Variants in RBFOX1 observed in about 807,000 individuals in gnomAD.
RBFOX1 encodes the protein RNA binding protein fox-1 homolog 1.
RBFOX1 carries 8 observed loss-of-function variants against 57.7 expected under a neutral mutation model. The ratio of observed to expected loss-of-function variants is 0.14; its 90% CI spans 0.08 to 0.25. The LOEUF (loss-of-function observed/expected upper bound fraction) is 0.25, where lower values mean the gene tolerates loss of function less well. Among genes scored for constraint, RBFOX1 ranks in the 10% least tolerant of loss-of-function variants. RBFOX1 has a pLI of 1.00. For synonymous variants in RBFOX1, 326 were observed against 222.4 expected, an observed-to-expected ratio of 1.47 and a Z score of -4.15; for missense variants, 611 against 548.5, an observed-to-expected ratio of 1.11 and a Z score of -1.14.
intron 4 of RBFOX1, among the ~76,000 whole-genome samples, chr16:7,479,367 T>C (rs966260095): frequency 6.6e-6 from 1 of 152,112 alleles, no homozygotes; most frequent in Non-Finnish European, 1.5e-5. Context: ...CTGGGCTCAG[T>C]GTATCCTCTG....
intron 4 of RBFOX1, among the ~76,000 whole-genome samples, chr16:7,097,385 A>G (rs2061882001): frequency 6.6e-6 from 1 of 152,148 alleles, no homozygotes; most frequent in South Asian, 2.1e-4. Flanking sequence ...AGTTGCTTGC[A>G]TCAACCCCAG....
intron 1 of RBFOX1, among the ~76,000 whole-genome samples, chr16:6,229,221 C>T (rs1383908088): frequency 1.3e-5 from 2 of 151,990 alleles, no homozygotes; most frequent in Non-Finnish European, 2.9e-5. Context: ...CACAGGATTG[C>T]TTTAGCTGTT....
intron 3 of RBFOX1, among the ~76,000 whole-genome samples, chr16:6,772,931 T>C (rs1489564585): frequency 1.4e-5 from 2 of 145,164 alleles, no homozygotes; most frequent in Non-Finnish European, 3.0e-5. Flanking sequence ...AGTACATTTG[T>C]GTGTGTGTGT....
At chr16:6,542,301 T>C (rs1031340533) in intron 2 of RBFOX1, among the ~76,000 whole-genome samples, 3 of 151,912 alleles carry the variant, frequency 2.0e-5, no homozygotes, top group Non-Finnish European at 4.4e-5. Context: ...CTGTTTCTTT[T>C]CTCTTTCTTG....
rs1202452810 is a variant in RBFOX1, at chr16:7,057,451, C to T, written c.27+5353C>T. Among the ~76,000 whole-genome samples, 3 of 152,212 alleles carry T rather than the reference C, an allele frequency of 2.0e-5. No homozygotes were observed. The South Asian group carries it at 6.2e-4, about 31-fold the overall frequency. ...ATTTTTCTTTTGATAAAGACTCCCT[C>T]TACCTTTATGCACACATCACACCTT... is the stretch of plus-strand genomic sequence containing the variant. On this transcript the variant is annotated intron_variant, in intron 4 of 15. Coordinates refer to ENST00000550418, the MANE Select transcript of RBFOX1 (RefSeq NM_018723.4).
chr16:6,065,493 C>T (rs112142755), intron 1 of RBFOX1, among the ~76,000 whole-genome samples: 10 of 152,246 alleles, frequency 6.6e-5, no homozygotes, highest in Non-Finnish European at 1.0e-4. Context: ...TATATCATTG[C>T]GGTTTCCACT....
chr16:6,576,399 A>C (rs990280694), intron 2 of RBFOX1, among the ~76,000 whole-genome samples: 2 of 152,142 alleles, frequency 1.3e-5, no homozygotes, highest in East Asian at 1.9e-4. Context: ...GAAGATGCCA[A>C]CTCCACATAG....
rs920358119 is a variant in RBFOX1, at chr16:5,946,136, C to A, written c.351+78801C>A. On this transcript the variant is annotated intron_variant, in intron 4 of 19. Transcript: ENST00000641259. This position sits in a 1 kb window ranked among gnomAD's most constrained non-coding sequence, Gnocchi z 4.6. ...TTTAAAAAAGATTTTGTTAATAGAC[C>A]ACCACTCCTGTCCTAACATGGCAGG... Among the ~76,000 whole-genome samples, 1 of 152,116 alleles carries A rather than the reference C, an allele frequency of 6.6e-6. No homozygotes were observed. The highest frequency in any genetic ancestry group is 1.5e-5 in the Non-Finnish European group (1 of 68,024).
chr16:7,116,409 C>T (rs910939481), intron 4 of RBFOX1, among the ~76,000 whole-genome samples: 1 of 152,082 alleles, frequency 6.6e-6, no homozygotes, highest in African/African-American at 2.4e-5. Flanking sequence ...GTAGGGACAG[C>T]AATATTGCAG....
At chr16:6,325,325 C>T (rs1227615082) in intron 2 of RBFOX1, among the ~76,000 whole-genome samples, 1 of 152,140 alleles carries the variant, frequency 6.6e-6, no homozygotes, top group African/African-American at 2.4e-5. Context: ...GCACTGCACA[C>T]CAACCTGGAG....
chr16:6,796,244 A>G (rs1426252502), intron 3 of RBFOX1, among the ~76,000 whole-genome samples: 1 of 152,136 alleles, frequency 6.6e-6, no homozygotes, highest in Non-Finnish European at 1.5e-5. Flanking sequence ...AGAACAGTGA[A>G]GGAAAGACCC....
At chr16:6,910,362 T>G (rs2071245532) in intron 3 of RBFOX1, among the ~76,000 whole-genome samples, 1 of 152,174 alleles carries the variant, frequency 6.6e-6, no homozygotes, top group Admixed American at 6.5e-5. Context: ...ACACCCATCT[T>G]CCTATTTCCC....
intron 2 of RBFOX1, among the ~76,000 whole-genome samples, chr16:5,526,385 G>T (rs1013909839): frequency 1.3e-5 from 2 of 152,062 alleles, no homozygotes; most frequent in African/African-American, 2.4e-5. Context: ...GCCTCCCGGG[G>T]TCAAGTGATT....
intron 3 of RBFOX1, among the ~76,000 whole-genome samples, chr16:6,665,616 A>G (rs1026264712): frequency 2.2e-5 from 3 of 134,144 alleles, no homozygotes; most frequent in African/African-American, 8.5e-5. Flanking sequence ...CAAGAGTGAA[A>G]CTCCATCTCC....
intron 4 of RBFOX1, among the ~76,000 whole-genome samples, chr16:7,228,916 G>A (rs2093320018): frequency 6.6e-6 from 1 of 152,154 alleles, no homozygotes; most frequent in Non-Finnish European, 1.5e-5. Flanking sequence ...AGAAGAAGAT[G>A]GATGCATTGG....
At chr16:6,939,403 A>G (rs12598576) in intron 3 of RBFOX1, among the ~76,000 whole-genome samples, 30,158 of 147,124 alleles carry the variant, frequency 0.2, 3,343 homozygotes, top group African/African-American at 0.33. Context: ...GTGTGTGTGT[A>G]TATATATATA....
chr16:6,931,403 G>A (rs757399015), intron 3 of RBFOX1, among the ~76,000 whole-genome samples: 3 of 151,636 alleles, frequency 2.0e-5, no homozygotes, highest in Non-Finnish European at 4.4e-5. Flanking sequence ...GTATGTTTAT[G>A]TGTGCATGAA....
At chr16:5,892,787 A>G (rs886669193) in intron 4 of RBFOX1, among the ~76,000 whole-genome samples, 2 of 152,178 alleles carry the variant, frequency 1.3e-5, no homozygotes, top group African/African-American at 4.8e-5. Flanking sequence ...TGCAAAGGCC[A>G]AGTAGTAAGA....
chr16:5,529,472 C>T (rs899490847), intron 2 of RBFOX1, among the ~76,000 whole-genome samples: 2 of 150,684 alleles, frequency 1.3e-5, no homozygotes, highest in Non-Finnish European at 3.0e-5. Flanking sequence ...TCTCAGCTCA[C>T]TGCATCCTCT....
Sources: allele counts gnomAD v4.1 joint callset (sites outside exome capture counted in the v4.1 genomes callset), GRCh38; gene constraint gnomAD v4.1.1; non-coding constraint Gnocchi (gnomAD v3.1); transcripts MANE v1.5; gene names NCBI Gene and HGNC (gene_info 2026-07-23, HGNC 2026-07-21).